Variants in OSBPL1A observed in about 807,000 individuals in gnomAD.
The protein encoded by OSBPL1A is oxysterol binding protein like 1A.
Under a neutral mutation model 137.1 loss-of-function variants are expected in OSBPL1A, and 80 were observed. The observed-to-expected ratio is 0.58, with a 90% CI of 0.49 to 0.70. The LOEUF is 0.70. Among genes scored for constraint, OSBPL1A ranks in the 30% least tolerant of loss-of-function variants. OSBPL1A has a pLI of 0.00. For missense variants in OSBPL1A, 970 were observed against 1,129.4 expected (o/e 0.86, Z 2.02); for synonymous variants, 365 against 389.7 (o/e 0.94, Z 0.75).
intron 13 of OSBPL1A, among the ~76,000 whole-genome samples, chr18:24,310,046 C>CAAAAAAA (rs56309417): frequency 3.3e-5 from 3 of 90,580 alleles, no homozygotes; most frequent in Non-Finnish European, 6.1e-5. Flanking sequence ...GACTCTGTCT[C>CAAAAAAA]AAAAAAAAAA....
At chr18:24,257,102 A>G (rs2730020) in intron 15 of OSBPL1A, among the ~76,000 whole-genome samples, 6 of 152,054 alleles carry the variant, frequency 3.9e-5, no homozygotes, top group Admixed American at 2.0e-4. Context: ...GCCAGTGACA[A>G]TCTTCACAGA....
At chr18:24,279,447 G>A (rs1252082128) in intron 15 of OSBPL1A, among the ~76,000 whole-genome samples, 2 of 151,674 alleles carry the variant, frequency 1.3e-5, no homozygotes, top group African/African-American at 4.8e-5. Context: ...AATTGTATAT[G>A]AATTCATAAG....
chr18:24,325,387 A>G (rs71360547), intron 7 of OSBPL1A, among the ~76,000 whole-genome samples: 24,631 of 152,102 alleles, frequency 0.16, 2,295 homozygotes, highest in Non-Finnish European at 0.21. Flanking sequence ...GCACACTGGC[A>G]GTTTTCCTTT....
intron 17 of OSBPL1A, among the ~76,000 whole-genome samples, chr18:24,217,043 G>C (rs1334567218): frequency 1.3e-5 from 2 of 152,064 alleles, no homozygotes; most frequent in Admixed American, 1.3e-4. Context: ...AAAATTACCA[G>C]AGAAACCAAT....
chr18:24,193,113 T>A (rs1478510586), intron 18 of OSBPL1A, among the ~76,000 whole-genome samples: 1 of 152,166 alleles, frequency 6.6e-6, no homozygotes, highest in East Asian at 1.9e-4. Context: ...TAGCTGAAGG[T>A]ATACACATGG....
At chr18:24,176,678 C>A (rs1330266718) in intron 21 of OSBPL1A, among the ~76,000 whole-genome samples, 1 of 152,196 alleles carries the variant, frequency 6.6e-6, no homozygotes, top group Non-Finnish European at 1.5e-5. Flanking sequence ...TCCTGACTCT[C>A]CTCCTGTGAG....
At chr18:24,246,602 C>G (rs182698284) in intron 15 of OSBPL1A, among the ~76,000 whole-genome samples, 7 of 151,940 alleles carry the variant, frequency 4.6e-5, no homozygotes, top group African/African-American at 1.7e-4. Context: ...ACCAGTCTGA[C>G]CAACATGGTG....
At position 24,308,097 on chromosome 18, in the gene OSBPL1A, C is replaced by T. The variant is rs375752054; in HGVS notation, c.1092+3887G>A. 1.2e-4 allele frequency among the ~76,000 whole-genome samples: 18 copies of T among 150,006 alleles called. No homozygotes were observed. In the South Asian group the frequency reaches 2.9e-3, roughly 25 times the overall value. ...TCTTATTTTCTCATTCCATTAAACT[C>T]GAGCATCATCTGCTCATTACTTTTT... On this transcript the variant is annotated intron_variant, in intron 13 of 27. Coordinates refer to ENST00000319481, the MANE Select transcript of OSBPL1A (RefSeq NM_080597.4).
At position 24,163,096 on chromosome 18, in the gene OSBPL1A, G is replaced by T; in HGVS notation, c.*83C>A. 2 of 986,630 alleles carry T rather than the reference G, an allele frequency of 2.0e-6. No homozygotes were observed. Among genetic ancestry groups the T allele is most frequent in the Non-Finnish European group, 3.0e-6 (2 of 676,512 alleles). 61.1% of individuals were successfully genotyped at this position (986,630 alleles called of 1,614,324 possible). A position where few individuals can be genotyped will look rare whatever the true frequency, so the allele number is the denominator to read the frequency against. Reference sequence around the variant, plus strand: ...TTTCATTTTTTTTTTTAAAAGATAAGTAGAAACCAAGGGAAAAAAATTTAA... The same window carrying T: ...TTTCATTTTTTTTTTTAAAAGATAATTAGAAACCAAGGGAAAAAAATTTAA... On this transcript the variant is annotated 3_prime_UTR_variant, in exon 28 of 28. Transcript: ENST00000319481.
intron 17 of OSBPL1A, among the ~76,000 whole-genome samples, chr18:24,204,890 C>G (rs1460847528): frequency 6.6e-6 from 1 of 152,096 alleles, no homozygotes; most frequent in Non-Finnish European, 1.5e-5. Flanking sequence ...GACCCTTGAT[C>G]ATTGATTTGT....
At chr18:24,274,831 C>A (rs1341242799) in intron 15 of OSBPL1A, among the ~76,000 whole-genome samples, 1 of 151,938 alleles carries the variant, frequency 6.6e-6, no homozygotes, top group Admixed American at 6.6e-5. Flanking sequence ...ATCGCTTGAA[C>A]CCGGGAGGCT....
chr18:24,174,203 T>G (rs1023897691), intron 21 of OSBPL1A, among the ~76,000 whole-genome samples: 2 of 114,352 alleles, frequency 1.7e-5, no homozygotes, highest in Non-Finnish European at 4.6e-5. Context: ...GTATACAGGT[T>G]TTGGGATGAA....
intron 17 of OSBPL1A, among the ~76,000 whole-genome samples, chr18:24,220,892 A>G (rs1244185570): frequency 6.6e-6 from 1 of 151,726 alleles, no homozygotes; most frequent in Non-Finnish European, 1.5e-5. Flanking sequence ...GGCTCACTGC[A>G]ACCTCAGCCT....
intron 15 of OSBPL1A, among the ~76,000 whole-genome samples, chr18:24,244,682 C>G (rs2088828124): frequency 1.3e-5 from 2 of 152,240 alleles, no homozygotes; most frequent in African/African-American, 4.8e-5. Context: ...TCTCATTTCA[C>G]TCCCTTTCAG....
chr18:24,235,291 T>C (rs938008230), intron 16 of OSBPL1A, among the ~76,000 whole-genome samples: 2 of 152,210 alleles, frequency 1.3e-5, no homozygotes, highest in African/African-American at 2.4e-5. Context: ...AGCCCCTTAG[T>C]GTGCCTGGCA....
At chr18:24,282,085 C>A (rs73392267) in intron 14 of OSBPL1A, among the ~76,000 whole-genome samples, 13,022 of 151,478 alleles carry the variant, frequency 0.086, 1,868 homozygotes, top group African/African-American at 0.3. Flanking sequence ...CACTCCCAAC[C>A]CTACCCCCGA....
At chr18:24,323,333 GCT>G in intron 7 of OSBPL1A, among the ~76,000 whole-genome samples, 1 of 150,790 alleles carries the variant, frequency 6.6e-6, no homozygotes, top group Middle Eastern at 3.5e-3. Flanking sequence ...TGGGTGGATC[GCT>G]TGATGCCAGC....
At chr18:24,362,249 A>T (rs1003762697) in intron 4 of OSBPL1A, among the ~76,000 whole-genome samples, 1 of 152,188 alleles carries the variant, frequency 6.6e-6, no homozygotes, top group Non-Finnish European at 1.5e-5. Context: ...GACCATAAAA[A>T]AAAACAGCAA....
intron 18 of OSBPL1A, among the ~76,000 whole-genome samples, chr18:24,192,500 T>C (rs543550871): frequency 6.6e-6 from 1 of 152,236 alleles, no homozygotes; most frequent in South Asian, 2.1e-4. Flanking sequence ...AAAGTATTCA[T>C]TTCACATTGT....
Sources: gnomAD v4.1 joint callset for allele counts (sites outside exome capture counted in the v4.1 genomes callset) on GRCh38, gnomAD v4.1.1 for gene constraint, MANE v1.5 for transcripts, NCBI Gene and HGNC (gene_info 2026-07-23, HGNC 2026-07-21) for gene names.